The following UPB1 variants were observed in gnomAD, a reference collection of about 807,000 sequenced individuals.
UPB1 encodes the protein beta-ureidopropionase.
UPB1 carries 40 observed loss-of-function variants against 49.1 expected under a neutral mutation model. The ratio of observed to expected loss-of-function variants is 0.81; its 90% CI spans 0.63 to 1.06. The LOEUF is 1.06. Among genes scored for constraint, UPB1 ranks in the 50% least tolerant of loss-of-function variants. The pLI is 0.00. For synonymous variants in UPB1, 207 were observed against 198.2 expected, an observed-to-expected ratio of 1.04 and a Z score of -0.38; for missense variants, 499 against 505.9, an observed-to-expected ratio of 0.99 and a Z score of 0.13.
intron 4 of UPB1, among the ~76,000 whole-genome samples, chr22:24,512,110 A>G (rs2044216957): frequency 6.6e-6 from 1 of 151,942 alleles, no homozygotes; most frequent in Non-Finnish European, 1.5e-5. Context: ...TGTGATTCCA[A>G]ACATCGATGT....
Position 24,499,990 on chromosome 22 carries a change from C to T in UPB1, c.105-117C>T, listed in dbSNP as rs2043961290. On this transcript the variant is annotated intron_variant, in intron 1 of 9. Coordinates refer to ENST00000326010, the MANE Select transcript of UPB1 (RefSeq NM_016327.3). ...CTTGGGCCCTGGCACTGAGCGCCTT[C>T]TAGCCAGGACATCCTCACCTCTTTG... 2.5e-5 allele frequency: 39 copies of T among 1,530,992 alleles called. No individual in the cohort carries two copies. The South Asian group carries it at 4.4e-4, about 17-fold the overall frequency. 94.8% of individuals were successfully genotyped at this position (1,530,992 alleles called of 1,614,324 possible). A position where few individuals can be genotyped will look rare whatever the true frequency, so the allele number is the denominator to read the frequency against.
At chr22:24,520,797 TC>T (rs1209200624) in intron 7 of UPB1, among the ~76,000 whole-genome samples, 1 of 152,170 alleles carries the variant, frequency 6.6e-6, no homozygotes, top group East Asian at 1.9e-4. Context: ...TCCTTATTAA[TC>T]AGATAGCAAA....
intron 2 of UPB1, among the ~76,000 whole-genome samples, chr22:24,500,591 G>A (rs909278510): frequency 5.9e-5 from 9 of 152,234 alleles, no homozygotes; most frequent in Non-Finnish European, 1.0e-4. Flanking sequence ...TCCACGGGAC[G>A]CTGCCTCTCA....
Position 24,527,042 on chromosome 22 carries a change from G to A in UPB1, c.*1248G>A, listed in dbSNP as rs1195568732. 2 of 152,118 alleles carry A rather than the reference G, an allele frequency of 1.3e-5. No individual in the cohort carries two copies. The highest frequency in any genetic ancestry group is 2.9e-5 in the Non-Finnish European group (2 of 68,022). 9.4% of individuals were successfully genotyped at this position (152,118 alleles called of 1,614,324 possible). Reference sequence around the variant, plus strand: ...CAGATTACTCACTTCTCTACACCTTGGTTTTTACATCTGTAAAATGGGACT... The same window carrying A: ...CAGATTACTCACTTCTCTACACCTTAGTTTTTACATCTGTAAAATGGGACT... On this transcript the variant is annotated 3_prime_UTR_variant, in exon 10 of 10. Transcript: ENST00000326010.
At chr22:24,523,905 T>A in intron 9 of UPB1, 132 bp downstream of exon 9, 1 of 1,374,816 alleles carries the variant, frequency 7.3e-7, no homozygotes, top group Non-Finnish European at 1.0e-6. Context: ...CTGTGTGAGC[T>A]GAGGGCTGAA....
intron 6 of UPB1, chr22:24,520,099 C>T: frequency 2.0e-6 from 1 of 499,352 alleles, no homozygotes; most frequent in East Asian, 3.7e-5. Context: ...GCTAATTCTT[C>T]TGACAGAGCA....
chr22:24,516,214 T>C (rs1476172869), intron 6 of UPB1, among the ~76,000 whole-genome samples: 1 of 152,194 alleles, frequency 6.6e-6, no homozygotes, highest in East Asian at 1.9e-4. Context: ...TTTATTTTTA[T>C]AACACATAAC....
intron 7 of UPB1, among the ~76,000 whole-genome samples, chr22:24,521,496 A>T (rs2044393425): frequency 6.6e-6 from 1 of 152,144 alleles, no homozygotes; most frequent in African/African-American, 2.4e-5. Context: ...AAATAATTAA[A>T]TAAATAAATA....
chr22:24,503,910 GC>G (rs1166880364), intron 3 of UPB1, among the ~76,000 whole-genome samples: 1 of 152,252 alleles, frequency 6.6e-6, no homozygotes, highest in Non-Finnish European at 1.5e-5. Flanking sequence ...ACCAGGGGCT[GC>G]CCCAGGCTGG....
At chr22:24,507,638 G>GA (rs1174461689) in intron 3 of UPB1, among the ~76,000 whole-genome samples, 1 of 152,154 alleles carries the variant, frequency 6.6e-6, no homozygotes, top group Non-Finnish European at 1.5e-5. Context: ...AGCAACTCCT[G>GA]AACCATTTCT....
chr22:24,522,363 A>G (rs2044409734), intron 8 of UPB1, among the ~76,000 whole-genome samples: 1 of 152,072 alleles, frequency 6.6e-6, no homozygotes, highest in African/African-American at 2.4e-5. Context: ...CTCCCTTTCC[A>G]CTTTCCTTTG....
At chr22:24,506,313 G>C (rs944801412) in intron 3 of UPB1, among the ~76,000 whole-genome samples, 1 of 152,056 alleles carries the variant, frequency 6.6e-6, no homozygotes, top group Admixed American at 6.5e-5. Flanking sequence ...GAGCCACTGC[G>C]CCCGGCCCCT....
rs386395041 is a variant in UPB1, at chr22:24,511,618, A to ATTT, written c.459+786_459+788dup. ...GTGAATTATATATATATATATATAT[A>ATTT]TTTTTTTTTTTTTGAGATGGAGTCT... On this transcript the variant is annotated intron_variant, in intron 4 of 9. Coordinates refer to ENST00000326010, the MANE Select transcript of UPB1 (RefSeq NM_016327.3). Among the ~76,000 whole-genome samples the ATTT allele has an allele frequency of 1.6e-3, 192 of 122,550 alleles. 2 individuals carry two copies. The highest frequency in any genetic ancestry group is 4.8e-3 in the African/African-American group (155 of 32,160). 80.4% of individuals were successfully genotyped at this position (122,550 alleles called of 152,430 possible).
At chr22:24,515,486 A>G in intron 6 of UPB1, 116 bp downstream of exon 6, 1 of 1,390,976 alleles carries the variant, frequency 7.2e-7, no homozygotes, top group Non-Finnish European at 1.0e-6. Flanking sequence ...GGATGTTAAC[A>G]GAGCTGAGCC....
intron 2 of UPB1, among the ~76,000 whole-genome samples, chr22:24,501,340 C>G (rs993436645): frequency 2.0e-5 from 3 of 152,268 alleles, no homozygotes; most frequent in African/African-American, 4.8e-5. Flanking sequence ...TGAACAAACG[C>G]TTTTGAATGT....
chr22:24,520,002 G>T (rs2044359031), intron 6 of UPB1: 1 of 303,010 alleles, frequency 3.3e-6, no homozygotes, highest in Non-Finnish European at 6.5e-6. Flanking sequence ...ATCTTCACCT[G>T]CATGGTCATT....
rs1484379804 is a variant in UPB1 at position 24,523,781 on chromosome 22, C to T, written c.1071+8C>T. The T allele has an allele frequency of 1.9e-6, 3 of 1,614,044 alleles. No individual in the cohort carries two copies. In the African/African-American group the frequency reaches 4.0e-5, roughly 22 times the overall value. ...GATGTCTGGAACTTCAAGGTAGGTC[C>T]CCAGGACCCCTGTTGTTGCCTGCTC... On this transcript the variant is annotated splice_region_variant and intron_variant, in intron 9 of 9. Coordinates refer to ENST00000326010, the MANE Select transcript of UPB1 (RefSeq NM_016327.3).
intron 1 of UPB1, among the ~76,000 whole-genome samples, chr22:24,497,674 C>T (rs1320370292): frequency 6.6e-6 from 1 of 152,150 alleles, no homozygotes; most frequent in Non-Finnish European, 1.5e-5. Context: ...CCAGGGCAGG[C>T]AGTGGCAGCA....
Position 24,502,225 on chromosome 22 carries a change from T to C in UPB1, c.364+12T>C. The C allele has an allele frequency of 6.2e-7, 1 of 1,613,042 alleles. No individual in the cohort carries two copies. The highest frequency in any genetic ancestry group is 8.5e-7 in the Non-Finnish European group (1 of 1,178,978). The stretch of plus-strand genomic sequence containing the variant: ...CCAGGAAGCATGGAGTGAGTCTTTT[T>C]TATGGTGCTTTCTCTGCTGCCTTCA... On this transcript the variant is annotated intron_variant, in intron 3 of 9. Transcript: ENST00000326010.
Sources: gnomAD v4.1 joint callset for allele counts (sites outside exome capture counted in the v4.1 genomes callset) on GRCh38, gnomAD v4.1.1 for gene constraint, MANE v1.5 for transcripts, NCBI Gene and HGNC (gene_info 2026-07-23, HGNC 2026-07-21) for gene names.